NR2F1-AS1: variants seen among roughly 807,000 people sequenced by gnomAD.
NR2F1-AS1 encodes NR2F1 regulatory antisense RNA 1.
At chr5:93,515,810 A>G (rs1476415270) in intron 4 of NR2F1-AS1, among the ~76,000 whole-genome samples, 1 of 151,952 alleles carries the variant, frequency 6.6e-6, no homozygotes, top group Non-Finnish European at 1.5e-5. Context: ...TCCAAGAAAC[A>G]TAACATTTTT....
intron 1 of NR2F1-AS1, chr5:93,570,076 A>C (rs1196509878): frequency 2.0e-5 from 3 of 152,320 alleles, no homozygotes; most frequent in Non-Finnish European, 2.9e-5. Context: ...ATTACAAAAC[A>C]ATCTCTAGAA....
At chr5:93,523,820 C>T (rs186764351) in intron 4 of NR2F1-AS1, among the ~76,000 whole-genome samples, 8 of 152,124 alleles carry the variant, frequency 5.3e-5, no homozygotes, top group East Asian at 1.9e-4. Context: ...ATCAACAAAA[C>T]GGACAACCAC....
At chr5:93,419,088 C>A (rs1749030784) in intron 4 of NR2F1-AS1, among the ~76,000 whole-genome samples, 1 of 152,132 alleles carries the variant, frequency 6.6e-6, no homozygotes, top group Non-Finnish European at 1.5e-5. Flanking sequence ...TTTGCAATGG[C>A]AAAAGTGTTA....
At chr5:93,412,668 C>T (rs1457727272) in intron 4 of NR2F1-AS1, among the ~76,000 whole-genome samples, 1 of 152,164 alleles carries the variant, frequency 6.6e-6, no homozygotes, top group Non-Finnish European at 1.5e-5. Flanking sequence ...TATGCCTTGC[C>T]CTGAACCTAA....
At chr5:93,515,634 T>C (rs1751386319) in intron 4 of NR2F1-AS1, among the ~76,000 whole-genome samples, 1 of 151,924 alleles carries the variant, frequency 6.6e-6, no homozygotes, top group African/African-American at 2.4e-5. Context: ...TTGGAATATG[T>C]GATCAATAAA....
At chr5:93,465,336 C>G (rs150765913) in intron 4 of NR2F1-AS1, among the ~76,000 whole-genome samples, 1 of 152,322 alleles carries the variant, frequency 6.6e-6, no homozygotes, top group African/African-American at 2.4e-5. Context: ...TGCTCATGAT[C>G]ACTGGTCATC....
At chr5:93,448,302 G>T (rs773466201) in intron 4 of NR2F1-AS1, among the ~76,000 whole-genome samples, 1 of 152,062 alleles carries the variant, frequency 6.6e-6, no homozygotes, top group Non-Finnish European at 1.5e-5. Flanking sequence ...AAGCTTTCCT[G>T]CCTTTCTGTC....
At chr5:93,427,166 A>C (rs1027926784) in intron 4 of NR2F1-AS1, among the ~76,000 whole-genome samples, 2 of 152,210 alleles carry the variant, frequency 1.3e-5, no homozygotes, top group Non-Finnish European at 2.9e-5. Flanking sequence ...TTACCTAAGG[A>C]TACAATTTTT....
At chr5:93,436,215 C>T in intron 4 of NR2F1-AS1, among the ~76,000 whole-genome samples, 1 of 152,106 alleles carries the variant, frequency 6.6e-6, no homozygotes, top group Admixed American at 6.6e-5. Context: ...AGAAAACCCT[C>T]AACAAACAAT....
At chr5:93,564,379 G>A (rs1455580022) in intron 1 of NR2F1-AS1, among the ~76,000 whole-genome samples, 2 of 151,942 alleles carry the variant, frequency 1.3e-5, no homozygotes, top group East Asian at 3.9e-4. Flanking sequence ...TTTTTTCATA[G>A]GACAGACATG....
chr5:93,423,725 A>C (rs1173296236), intron 4 of NR2F1-AS1, among the ~76,000 whole-genome samples: 1 of 152,206 alleles, frequency 6.6e-6, no homozygotes, highest in East Asian at 1.9e-4. Context: ...TCATTCACTC[A>C]AACATTTACC....
chr5:93,455,243 CT>C (rs1385745722), intron 4 of NR2F1-AS1, among the ~76,000 whole-genome samples: 1 of 152,120 alleles, frequency 6.6e-6, no homozygotes, highest in Non-Finnish European at 1.5e-5. Flanking sequence ...TTATCTTTTT[CT>C]TTTAAAGATT....
chr5:93,527,091 G>C (rs959240046), intron 4 of NR2F1-AS1, among the ~76,000 whole-genome samples: 3 of 152,156 alleles, frequency 2.0e-5, no homozygotes, highest in Non-Finnish European at 4.4e-5. Flanking sequence ...TGTATATTTA[G>C]AAAACCTCAT....
intron 4 of NR2F1-AS1, among the ~76,000 whole-genome samples, chr5:93,467,416 C>G (rs548040364): frequency 9.9e-5 from 15 of 152,076 alleles, no homozygotes; most frequent in Admixed American, 2.6e-4. Flanking sequence ...TTTTTAGCAC[C>G]CTTTTCTAAG....
chr5:93,493,870 T>C (rs1461000651), intron 4 of NR2F1-AS1, among the ~76,000 whole-genome samples: 1 of 152,118 alleles, frequency 6.6e-6, no homozygotes, highest in Non-Finnish European at 1.5e-5. Context: ...ATTACCTAAA[T>C]ATGAAAGCTA....
rs545632363 is a variant in NR2F1-AS1 at position 93,550,777 on chromosome 5, T to G, written n.638+2984A>C. 2.3e-3 allele frequency among the ~76,000 whole-genome samples: 356 copies of G among 152,322 alleles called. 1 individual carries two copies. Among genetic ancestry groups the G allele is most frequent in the African/African-American group, 8.3e-3 (343 of 41,574 alleles). ...CCTGAAATAAAGAGCTGATTATATC[T>G]CTTATTACTGTTACAAGAATTTGAT... On this transcript the variant is annotated intron_variant and non_coding_transcript_variant, in intron 4 of 5. Transcript: ENST00000660523.
At chr5:93,534,614 T>C (rs776876743) in intron 4 of NR2F1-AS1, among the ~76,000 whole-genome samples, 1 of 152,184 alleles carries the variant, frequency 6.6e-6, no homozygotes, top group Non-Finnish European at 1.5e-5. Flanking sequence ...TTAGTGTCCA[T>C]AAATACATTC....
Position 93,444,680 on chromosome 5 carries a change from C to G in NR2F1-AS1, n.639-49138G>C, listed in dbSNP as rs577365811. ...AACAAGGATATCCAGGAATTGAACTCAGCTCTGCACCAAGCAGACCTAATA... is the reference window on the plus strand; with the variant it reads ...AACAAGGATATCCAGGAATTGAACTGAGCTCTGCACCAAGCAGACCTAATA... On this transcript the variant is annotated intron_variant and non_coding_transcript_variant, in intron 4 of 5. Coordinates refer to ENST00000660523, the Ensembl canonical transcript of NR2F1-AS1. Among the ~76,000 whole-genome samples, 123 of 152,324 alleles carry G rather than the reference C, an allele frequency of 8.1e-4. 3 individuals are homozygous for G. The highest frequency in any genetic ancestry group is 2.7e-3 in the African/African-American group (114 of 41,568).
intron 4 of NR2F1-AS1, among the ~76,000 whole-genome samples, chr5:93,439,182 T>C (rs1440335404): frequency 1.3e-5 from 2 of 152,250 alleles, no homozygotes; most frequent in African/African-American, 2.4e-5. Flanking sequence ...GCCACATTTA[T>C]TCTGATGAAG....
Sources: gnomAD v4.1 joint callset for allele counts (sites outside exome capture counted in the v4.1 genomes callset) on GRCh38, gnomAD v4.1.1 for gene constraint, MANE v1.5 for transcripts, NCBI Gene and HGNC (gene_info 2026-07-23, HGNC 2026-07-21) for gene names.